TTC21B: variants seen among roughly 807,000 people sequenced by gnomAD.
TTC21B encodes the protein tetratricopeptide repeat domain 21B.
Under a neutral mutation model 175.1 loss-of-function variants are expected in TTC21B, and 127 were observed. The ratio of observed to expected loss-of-function variants is 0.73; its 90% CI spans 0.63 to 0.84. The LOEUF (loss-of-function observed/expected upper bound fraction) is 0.84, where lower values mean the gene tolerates loss of function less well. Among genes scored for constraint, TTC21B ranks in the 40% least tolerant of loss-of-function variants. The pLI is 0.00. For synonymous variants in TTC21B, 524 were observed against 524.5 expected (o/e 1.00, Z 0.01); for missense variants, 1,561 against 1,558.3 (o/e 1.00, Z -0.03).
At chr2:165,929,377 T>A (rs765832798) in intron 10 of TTC21B, 42 bp from the exon 11 acceptor site, 2 of 1,483,004 alleles carry the variant, frequency 1.3e-6, no homozygotes, top group Non-Finnish European at 1.9e-6. Context: ...CATTTAGTTA[T>A]AAAGCCATTT....
intron 1 of TTC21B, chr2:165,949,960 T>C (rs1203440186): frequency 7.8e-6 from 3 of 386,598 alleles, no homozygotes; most frequent in Non-Finnish European, 1.4e-5. Context: ...AAATTATTTT[T>C]CCTAAGTTTT....
chr2:165,908,208 C>T (rs1685809751), intron 18 of TTC21B, among the ~76,000 whole-genome samples: 2 of 152,256 alleles, frequency 1.3e-5, no homozygotes, highest in South Asian at 4.1e-4. Flanking sequence ...TTGTTAAGAG[C>T]ACTGACTTTG....
intron 6 of TTC21B, 66 bp from the exon 7 acceptor site, chr2:165,933,123 A>G (rs1019721525): frequency 2.0e-6 from 3 of 1,478,868 alleles, no homozygotes; most frequent in African/African-American, 1.4e-5. Context: ...CGAGGGCATG[A>G]AAAGTTGGTT....
intron 11 of TTC21B, 71 bp downstream of exon 11, chr2:165,929,064 G>T: frequency 7.0e-7 from 1 of 1,430,182 alleles, no homozygotes; most frequent in African/African-American, 1.4e-5. Flanking sequence ...ATGCATCAAA[G>T]AAAACTTTTA....
intron 1 of TTC21B, 54 bp from the exon 2 acceptor site, chr2:165,949,778 C>A: frequency 6.5e-7 from 1 of 1,531,988 alleles, no homozygotes; most frequent in Admixed American, 1.7e-5. Flanking sequence ...CTCTGAAATA[C>A]TCTAAGAAGC....
rs1686815235 is a variant in TTC21B, at chr2:165,929,725, T to C, written c.1110A>G (p.Ile370Met). ...ALVGFIQCQL[I>M]EGQLQDADQQ... ...GATCTGCATCCTGTAATTGCCCTTC[T>C]ATCAACTGACATTGGATAAATCCTA... Residue 370 changes from isoleucine (I) to methionine (M), a missense_variant, in exon 10 of 29, where the codon ATA (isoleucine) becomes ATG (methionine). Transcript: ENST00000243344. The C allele has an allele frequency of 6.2e-7, 1 of 1,612,146 alleles. No individual in the cohort carries two copies.
At chr2:165,953,091 T>C (rs1024961256) in intron 1 of TTC21B, among the ~76,000 whole-genome samples, 3 of 152,162 alleles carry the variant, frequency 2.0e-5, no homozygotes, top group Non-Finnish European at 2.9e-5. Context: ...AGTGAACAAA[T>C]GAATAGAGAA....
chr2:165,930,728 T>TGGGG (rs1331522478), intron 8 of TTC21B, among the ~76,000 whole-genome samples: 1 of 70,562 alleles, frequency 1.4e-5, no homozygotes, highest in Non-Finnish European at 2.7e-5. Context: ...TACGTGGGTA[T>TGGGG]GGGGGTGTGT....
chr2:165,919,583 C>T, intron 12 of TTC21B, 150 bp from the exon 13 acceptor site: 1 of 806,372 alleles, frequency 1.2e-6, no homozygotes, highest in Non-Finnish European at 2.0e-6. Context: ...TTAATTCCAT[C>T]TGCACTAGTT....
chr2:165,953,318 T>C (rs530213248), intron 1 of TTC21B, among the ~76,000 whole-genome samples: 1 of 152,320 alleles, frequency 6.6e-6, no homozygotes, highest in African/African-American at 2.4e-5. Flanking sequence ...TACTGTCCAG[T>C]GTGGGAGCTG....
At chr2:165,893,937 T>A (rs1685277716) in intron 22 of TTC21B, among the ~76,000 whole-genome samples, 1 of 152,198 alleles carries the variant, frequency 6.6e-6, no homozygotes, top group Admixed American at 6.5e-5. Flanking sequence ...GGCCATATTA[T>A]TATTAAAATA....
chr2:165,930,465 G>T, intron 8 of TTC21B, 101 bp from the exon 9 acceptor site: 1 of 799,372 alleles, frequency 1.3e-6, no homozygotes, highest in Non-Finnish European at 1.8e-6. Context: ...GTACTTCAAA[G>T]GAGTGATGAA....
intron 26 of TTC21B, among the ~76,000 whole-genome samples, chr2:165,881,426 A>G (rs1684830413): frequency 6.6e-6 from 1 of 152,142 alleles, no homozygotes; most frequent in Admixed American, 6.5e-5. Flanking sequence ...AAACATTGTA[A>G]CTGGTCAATG....
rs895996337 is a variant in TTC21B at position 165,931,684 on chromosome 2, C to T, written c.894+74G>A. Reference sequence around the variant, plus strand: ...ACTCTAGGCCATATGCTCTTCCCTGCTTCCACCTTTTCCACTTATTTTATG... The same window carrying T: ...ACTCTAGGCCATATGCTCTTCCCTGTTTCCACCTTTTCCACTTATTTTATG... On this transcript the variant is annotated intron_variant, in intron 8 of 28. Coordinates refer to ENST00000243344, the MANE Select transcript of TTC21B (RefSeq NM_024753.5). 40 of 1,269,882 alleles carry T rather than the reference C, an allele frequency of 3.1e-5. No individual in the cohort carries two copies. The East Asian group carries it at 8.9e-4, about 28-fold the overall frequency. The allele number at this position is 1,269,882 out of a possible 1,614,324, so 78.7% of individuals were successfully genotyped here.
intron 22 of TTC21B, among the ~76,000 whole-genome samples, chr2:165,893,869 T>C (rs1011746067): frequency 2.0e-5 from 3 of 151,958 alleles, no homozygotes; most frequent in African/African-American, 4.8e-5. Flanking sequence ...GTTGGTAACT[T>C]TGATATTATT....
intron 11 of TTC21B, 78 bp downstream of exon 11, chr2:165,929,057 C>T (rs539022575): frequency 8.0e-7 from 1 of 1,256,640 alleles, no homozygotes; most frequent in African/African-American, 1.5e-5. Flanking sequence ...TAGTCTAATG[C>T]ATCAAAGAAA....
intron 3 of TTC21B, among the ~76,000 whole-genome samples, chr2:165,946,796 C>A (rs1306988271): frequency 6.6e-6 from 1 of 152,204 alleles, no homozygotes; most frequent in East Asian, 1.9e-4. Flanking sequence ...CTAGATTGCA[C>A]CACTGCACTC....
chr2:165,898,632 AAGG>A, intron 22 of TTC21B, 51 bp downstream of exon 22: 2 of 1,210,028 alleles, frequency 1.7e-6, no homozygotes, highest in Non-Finnish European at 2.5e-6. Context: ...CAGAAGAAAA[AAGG>A]AGAAAGGGAG....
chr2:165,888,487 A>C lies in TTC21B; in HGVS notation c.3264-13T>G, dbSNP rs754946168. On this transcript the variant is annotated splice_polypyrimidine_tract_variant and intron_variant, in intron 24 of 28. Transcript: ENST00000243344. The stretch of plus-strand genomic sequence containing the variant: ...CTCAGTTGAATTACTGTATATAATT[A>C]AAAATAAATCACTTCTGTCTCTTAC... 1.3e-6 allele frequency: 2 copies of C among 1,593,058 alleles called. No individual in the cohort carries two copies. The highest frequency in any genetic ancestry group is 1.7e-6 in the Non-Finnish European group (2 of 1,162,928).
Sources: gnomAD v4.1 joint callset for allele counts (sites outside exome capture counted in the v4.1 genomes callset) on GRCh38, gnomAD v4.1.1 for gene constraint, MANE v1.5 for transcripts, NCBI Gene and HGNC (gene_info 2026-07-23, HGNC 2026-07-21) for gene names.